The following VPS54 variants were observed in gnomAD, a reference collection of about 807,000 sequenced individuals.
The protein encoded by VPS54 is VPS54 subunit of GARP complex.
Under a neutral mutation model 121.5 loss-of-function variants are expected in VPS54, and 45 were observed. The ratio of observed to expected loss-of-function variants is 0.37; its 90% CI spans 0.29 to 0.47. The LOEUF is 0.47. Among genes scored for constraint, VPS54 ranks in the 20% least tolerant of loss-of-function variants. The pLI is 0.99. For synonymous variants in VPS54, 371 were observed against 385.8 expected, an observed-to-expected ratio of 0.96 and a Z score of 0.45; for missense variants, 1,090 against 1,131.4, an observed-to-expected ratio of 0.96 and a Z score of 0.52.
Position 64,010,057 on chromosome 2 carries a change from G to A in VPS54, c.-21+8881C>T, listed in dbSNP as rs1391750455. On this transcript the variant is annotated intron_variant, in intron 1 of 22. Coordinates refer to ENST00000272322, the MANE Select transcript of VPS54 (RefSeq NM_016516.3). ...AAGTTTCACCATGTTGGCCAGACTGGTCTCAAACTCCCGACCTCAGGTGAT... is the reference window on the plus strand; with the variant it reads ...AAGTTTCACCATGTTGGCCAGACTGATCTCAAACTCCCGACCTCAGGTGAT... 2.0e-5 allele frequency among the ~76,000 whole-genome samples: 3 copies of A among 151,924 alleles called. No homozygotes were observed. In the East Asian group the frequency reaches 5.8e-4, roughly 29 times the overall value.
At chr2:63,992,139 G>A (rs780831380) in intron 1 of VPS54, among the ~76,000 whole-genome samples, 11 of 151,940 alleles carry the variant, frequency 7.2e-5, no homozygotes, top group East Asian at 1.9e-4. Flanking sequence ...CATTCCGGCC[G>A]GTGACTCAAT....
chr2:63,972,373 C>A (rs1676328174), intron 3 of VPS54, 129 bp from the exon 4 acceptor site: 2 of 556,600 alleles, frequency 3.6e-6, no homozygotes, highest in African/African-American at 3.7e-5. Flanking sequence ...AAATCACTAG[C>A]CTCCTGAACT....
In VPS54 at chr2:63,933,838, C is replaced by A. The variant is rs201181966; in HGVS notation, c.1574G>T (p.Gly525Val). 2.0e-4 allele frequency: 319 copies of A among 1,613,828 alleles called. No individual in the cohort carries two copies. Among genetic ancestry groups the A allele is most frequent in the Non-Finnish European group, 2.7e-4 (314 of 1,179,846 alleles). ...GTCAACTGCTATAGGTGTTAGCTCACCCTCACCGAATGCATCACTTATAAA... is the reference window on the plus strand; with the variant it reads ...GTCAACTGCTATAGGTGTTAGCTCAACCTCACCGAATGCATCACTTATAAA... Reference protein sequence around the residue: ...GMFISDAFGEGELTPIAVDTT... With the variant: ...GMFISDAFGEVELTPIAVDTT... The change falls in exon 12 of 23, where the codon GGT (glycine) becomes GTT (valine). Residue 525 changes from glycine (G) to valine (V), a missense_variant. Gly to Val is a moderately radical substitution (Grantham distance 109). Transcript: ENST00000272322.
At chr2:63,969,835 A>T (rs934397118) in intron 4 of VPS54, among the ~76,000 whole-genome samples, 2 of 152,164 alleles carry the variant, frequency 1.3e-5, no homozygotes, top group African/African-American at 4.8e-5. Flanking sequence ...TTAAAAAATG[A>T]ATTAAATTCT....
chr2:63,977,718 T>C (rs1676612898), intron 3 of VPS54, among the ~76,000 whole-genome samples: 1 of 152,246 alleles, frequency 6.6e-6, no homozygotes, highest in South Asian at 2.1e-4. Context: ...TGATACTTGA[T>C]CTGTCTGTTT....
chr2:63,923,060 T>A (rs1673718524), intron 12 of VPS54, among the ~76,000 whole-genome samples: 1 of 152,114 alleles, frequency 6.6e-6, no homozygotes, highest in Non-Finnish European at 1.5e-5. Context: ...ACGCCTGTAA[T>A]CCCAGCACTT....
intron 1 of VPS54, among the ~76,000 whole-genome samples, chr2:64,004,643 T>G (rs914231076): frequency 6.6e-6 from 1 of 152,240 alleles, no homozygotes; most frequent in Non-Finnish European, 1.5e-5. Context: ...TATTGTCCTG[T>G]GGATTTCTTT....
At chr2:63,937,742 C>T (rs1674515938) in intron 11 of VPS54, among the ~76,000 whole-genome samples, 1 of 152,010 alleles carries the variant, frequency 6.6e-6, no homozygotes, top group African/African-American at 2.4e-5. Context: ...TTGAAGGCAA[C>T]ACAAATGTCC....
intron 16 of VPS54, among the ~76,000 whole-genome samples, chr2:63,914,772 GA>G (rs770791968): frequency 6.0e-4 from 87 of 144,260 alleles, no homozygotes; most frequent in East Asian, 8.0e-4. Flanking sequence ...TAGTGAGATG[GA>G]AAAAAAAAAA....
intron 22 of VPS54, among the ~76,000 whole-genome samples, chr2:63,895,210 CT>C (rs1672397159): frequency 6.6e-6 from 1 of 152,098 alleles, no homozygotes; most frequent in African/African-American, 2.4e-5. Context: ...AATCCCAGCA[CT>C]TTGGGAGGCC....
At chr2:63,909,330 G>A (rs1372512311) in intron 20 of VPS54, among the ~76,000 whole-genome samples, 6 of 151,680 alleles carry the variant, frequency 4.0e-5, no homozygotes, top group African/African-American at 1.5e-4. Flanking sequence ...AATGAATGGT[G>A]GTTGGAACAT....
At chr2:63,985,237 T>C (rs1351103004) in intron 1 of VPS54, among the ~76,000 whole-genome samples, 1 of 152,098 alleles carries the variant, frequency 6.6e-6, no homozygotes, top group Non-Finnish European at 1.5e-5. Context: ...GAGGATTGCT[T>C]GAGCCTAGGA....
intron 1 of VPS54, among the ~76,000 whole-genome samples, chr2:63,989,240 C>T (rs748967202): frequency 4.6e-5 from 7 of 152,184 alleles, no homozygotes; most frequent in African/African-American, 7.2e-5. Flanking sequence ...TCTAGTTTTG[C>T]TCTGGCCTTG....
intron 20 of VPS54, among the ~76,000 whole-genome samples, chr2:63,905,237 A>T (rs1408005357): frequency 1.3e-5 from 2 of 152,200 alleles, no homozygotes; most frequent in Non-Finnish European, 2.9e-5. Flanking sequence ...GCAGAAAAAG[A>T]GCAGGAAATA....
At chr2:63,920,258 GAAGTA>G (rs1462051545) in intron 14 of VPS54, among the ~76,000 whole-genome samples, 183 bp downstream of exon 14, 1 of 152,064 alleles carries the variant, frequency 6.6e-6, no homozygotes, top group Non-Finnish European at 1.5e-5. Flanking sequence ...TACTTTAATA[GAAGTA>G]AACATTCTAA....
chr2:63,991,812 C>A (rs1242072504), intron 1 of VPS54, among the ~76,000 whole-genome samples: 1 of 152,198 alleles, frequency 6.6e-6, no homozygotes, highest in Non-Finnish European at 1.5e-5. Flanking sequence ...CCAACGCAGC[C>A]CCCACCACAA....
chr2:63,988,472 C>T (rs552938186), intron 1 of VPS54, among the ~76,000 whole-genome samples: 7 of 152,224 alleles, frequency 4.6e-5, no homozygotes, highest in Admixed American at 1.3e-4. Flanking sequence ...GACCCCGAAC[C>T]GAGGGACTGG....
intron 15 of VPS54, among the ~76,000 whole-genome samples, chr2:63,917,568 A>G (rs535703122): frequency 6.6e-6 from 1 of 152,192 alleles, no homozygotes; most frequent in African/African-American, 2.4e-5. Context: ...TATCCTGGAC[A>G]CGCCAAATTG....
rs940660574 is a variant in VPS54 at position 63,995,551 on chromosome 2, C to T, written c.-20-11532G>A. Reference sequence around the variant, plus strand: ...GCAATGGCCACCACTGCCGGAATGGCGTTACATCAGTCTATTCAAACAGCT... The same window carrying T: ...GCAATGGCCACCACTGCCGGAATGGTGTTACATCAGTCTATTCAAACAGCT... On this transcript the variant is annotated intron_variant, in intron 1 of 22. Coordinates refer to ENST00000272322, the MANE Select transcript of VPS54 (RefSeq NM_016516.3). 6.6e-5 allele frequency among the ~76,000 whole-genome samples: 10 copies of T among 152,196 alleles called. 1 individual carries two copies. Among genetic ancestry groups the T allele is most frequent in the South Asian group, 6.2e-4 (3 of 4,832 alleles).
Sources: gnomAD v4.1 joint callset for allele counts (sites outside exome capture counted in the v4.1 genomes callset) on GRCh38, gnomAD v4.1.1 for gene constraint, MANE v1.5 for transcripts, NCBI Gene and HGNC (gene_info 2026-07-23, HGNC 2026-07-21) for gene names.